The following ZBTB38 variants were observed in gnomAD, a reference collection of about 807,000 sequenced individuals.
The protein encoded by ZBTB38 is zinc finger and BTB domain containing 38, also known as zinc finger and BTB domain-containing protein 38.
In ZBTB38, 20 loss-of-function variants were observed where a neutral mutation model predicts 76.8. The observed-to-expected ratio is 0.26, with a 90% CI of 0.18 to 0.38. The LOEUF (loss-of-function observed/expected upper bound fraction) is 0.38. ZBTB38 is among the 10% of genes least tolerant of loss of function. ZBTB38 has a pLI of 1.00. For missense variants in ZBTB38, 1,082 were observed against 1,482.3 expected (o/e 0.73, Z 4.43); for synonymous variants, 504 against 544.2 (o/e 0.93, Z 1.03).
chr3:141,417,823 T>C (rs1392145366), intron 5 of ZBTB38, among the ~76,000 whole-genome samples: 1 of 152,134 alleles, frequency 6.6e-6, no homozygotes, highest in Non-Finnish European at 1.5e-5. Flanking sequence ...GAGACCACCC[T>C]GACCAACCTG....
At chr3:141,387,066 G>A (rs1453667241) in intron 4 of ZBTB38, 129 bp downstream of exon 4, 1 of 152,662 alleles carries the variant, frequency 6.6e-6, no homozygotes, top group African/African-American at 2.4e-5. Context: ...GCTGTGTCTA[G>A]AATTCATTAC....
chr3:141,397,007 A>G (rs1407088207), intron 4 of ZBTB38, among the ~76,000 whole-genome samples: 1 of 152,210 alleles, frequency 6.6e-6, no homozygotes, highest in Non-Finnish European at 1.5e-5. Flanking sequence ...CCAGCTTCAT[A>G]AGCCCCTAAT....
chr3:141,371,871 G>C (rs529055020), intron 2 of ZBTB38, among the ~76,000 whole-genome samples: 2 of 152,110 alleles, frequency 1.3e-5, no homozygotes, highest in African/African-American at 4.8e-5. Flanking sequence ...CCCCTCATTC[G>C]TAAATATAAA....
At chr3:141,377,640 A>G (rs1217342199) in intron 2 of ZBTB38, among the ~76,000 whole-genome samples, 3 of 152,250 alleles carry the variant, frequency 2.0e-5, no homozygotes, top group Non-Finnish European at 4.4e-5. Context: ...TGTTCACGCA[A>G]TAAACTTTAC....
At chr3:141,345,584 C>G (rs1375785762) in intron 1 of ZBTB38, among the ~76,000 whole-genome samples, 2 of 152,114 alleles carry the variant, frequency 1.3e-5, no homozygotes, top group Non-Finnish European at 2.9e-5. Context: ...AACTAATTAT[C>G]CTGGCCTTAC....
intron 3 of ZBTB38, chr3:141,386,477 C>T (rs1197668265): frequency 6.6e-6 from 1 of 152,130 alleles, no homozygotes; most frequent in Non-Finnish European, 1.5e-5. Context: ...CCTGCCGGCA[C>T]CATTTAGGAT....
At chr3:141,375,304 G>A (rs926335440) in intron 2 of ZBTB38, among the ~76,000 whole-genome samples, 8 of 152,260 alleles carry the variant, frequency 5.3e-5, no homozygotes, top group African/African-American at 1.9e-4. Context: ...GAGATTTAAT[G>A]GCAAAGGTTG....
chr3:141,405,240 G>C (rs890370136), intron 5 of ZBTB38, among the ~76,000 whole-genome samples: 2 of 152,172 alleles, frequency 1.3e-5, no homozygotes, highest in African/African-American at 4.8e-5. Context: ...TCAACTGTTA[G>C]CAATTTTCTA....
intron 5 of ZBTB38, among the ~76,000 whole-genome samples, chr3:141,436,895 G>A (rs544838545): frequency 1.1e-4 from 16 of 152,284 alleles, no homozygotes; most frequent in African/African-American, 3.4e-4. Context: ...AAAACCTGTG[G>A]GGACCGGATT....
At position 141,442,259 on chromosome 3, in the gene ZBTB38, A is replaced by G. The variant is rs2080448647; in HGVS notation, c.1-130A>G. On this transcript the variant is annotated intron_variant, in intron 5 of 5. Coordinates refer to ENST00000321464, the MANE Select transcript of ZBTB38 (RefSeq NM_001376113.1). This position sits in a 1 kb window ranked among gnomAD's most constrained non-coding sequence, Gnocchi z 6.4. ...ATGTTGACTCTTGAGTCTCGGGAGC[A>G]TCAACAGAATGAGATAAAAACCTGA... 9.0e-6 allele frequency: 6 copies of G among 669,094 alleles called. No homozygotes were observed. Among genetic ancestry groups the G allele is most frequent in the Non-Finnish European group, 1.5e-5 (6 of 395,780 alleles). The allele number at this position is 669,094 out of a possible 1,614,324, so 41.4% of individuals were successfully genotyped here.
intron 5 of ZBTB38, among the ~76,000 whole-genome samples, chr3:141,417,346 C>T (rs2074294106): frequency 6.6e-6 from 1 of 152,188 alleles, no homozygotes; most frequent in East Asian, 1.9e-4. Flanking sequence ...GAGGGAGCCA[C>T]CTGCATTTTC....
At chr3:141,359,531 A>G (rs1270402960) in intron 1 of ZBTB38, among the ~76,000 whole-genome samples, 5 of 152,222 alleles carry the variant, frequency 3.3e-5, no homozygotes, top group African/African-American at 1.2e-4. Context: ...AGAGACAAAG[A>G]AGATCCAGGA....
intron 1 of ZBTB38, among the ~76,000 whole-genome samples, 191 bp downstream of exon 1, chr3:141,368,995 C>CAAAAAAA (rs887674425): frequency 2.4e-5 from 2 of 84,544 alleles, no homozygotes; most frequent in African/African-American, 9.4e-5. Flanking sequence ...GAAAAGAATG[C>CAAAAAAA]AAAAAAAAAA....
intron 1 of ZBTB38, among the ~76,000 whole-genome samples, chr3:141,325,586 T>C (rs1034699666): frequency 5.9e-5 from 9 of 152,210 alleles, no homozygotes; most frequent in Admixed American, 1.3e-4. Flanking sequence ...CTTCCTTAAT[T>C]TGGGGAAAAT....
chr3:141,445,337 G>C lies in ZBTB38; in HGVS notation c.2949G>C (p.Gln983His). The change falls in exon 6 of 6, where the codon CAG (glutamine) becomes CAC (histidine). Residue 983 changes from glutamine to histidine, a missense_variant. Physicochemically the swap from Gln to His is conservative, Grantham distance 24 (BLOSUM62 0). This residue lies in a region of ZBTB38 where 471 missense variants were observed against 581.0 expected (regional missense o/e 0.81). Transcript: ENST00000321464. This position sits in a 1 kb window ranked among gnomAD's most constrained non-coding sequence, Gnocchi z 6.5. ...EEETKEMPKLQCELCDGDKAV... is the reference protein window; with the variant it reads ...EEETKEMPKLHCELCDGDKAV... ...AAACTAAAGAGATGCCCAAGCTGCA[G>C]TGTGAACTCTGTGATGGAGACAAAG... 6.2e-7 allele frequency: 1 copy of C among 1,614,168 alleles called. No homozygotes were observed. The highest frequency in any genetic ancestry group is 8.5e-7 in the Non-Finnish European group (1 of 1,180,036).
Position 141,449,535 on chromosome 3 carries a change from T to C in ZBTB38, c.*3559T>C, listed in dbSNP as rs2081346809. The C allele has an allele frequency of 6.6e-6, 1 of 152,220 alleles. No individual in the cohort carries two copies. Among genetic ancestry groups the C allele is most frequent in the South Asian group, 2.1e-4 (1 of 4,832 alleles). The allele number at this position is 152,220 out of a possible 1,614,324, so 9.4% of individuals were successfully genotyped here. A position where few individuals can be genotyped will look rare whatever the true frequency, so the allele number is the denominator to read the frequency against. The stretch of plus-strand genomic sequence containing the variant: ...AACTATCTTGCAAATGCCTGCAGTT[T>C]GTCCCAGTGGGCAATGTGAGAGGGG... On this transcript the variant is annotated 3_prime_UTR_variant, in exon 6 of 6. Transcript: ENST00000321464.
intron 4 of ZBTB38, among the ~76,000 whole-genome samples, chr3:141,394,853 C>G (rs987501685): frequency 6.6e-6 from 1 of 152,164 alleles, no homozygotes; most frequent in African/African-American, 2.4e-5. Context: ...ACTCTATACT[C>G]TATCTTTGAG....
rs576670716 is a variant in ZBTB38 at position 141,362,493 on chromosome 3, A to G, written c.-738-6128A>G. On this transcript the variant is annotated intron_variant, in intron 1 of 7. Transcript: ENST00000509842. ...TTTTTAATCCAACATTTATTGAGCC[A>G]TTATTATATATCAGACATTGCACTA... Among the ~76,000 whole-genome samples, 3 of 152,318 alleles carry G rather than the reference A, an allele frequency of 2.0e-5. No individual in the cohort carries two copies. In the East Asian group the frequency reaches 5.8e-4, roughly 29 times the overall value.
intron 5 of ZBTB38, among the ~76,000 whole-genome samples, chr3:141,410,945 G>A (rs1241751123): frequency 6.6e-6 from 1 of 152,174 alleles, no homozygotes; most frequent in Non-Finnish European, 1.5e-5. Flanking sequence ...AGTCCTGGAA[G>A]GGTATCTTGG....
Sources: allele counts gnomAD v4.1 joint callset (sites outside exome capture counted in the v4.1 genomes callset), GRCh38; gene constraint gnomAD v4.1.1; regional missense constraint gnomAD v4.1.1; non-coding constraint Gnocchi (gnomAD v3.1); transcripts MANE v1.5; gene names NCBI Gene and HGNC (gene_info 2026-07-23, HGNC 2026-07-21).